Variants in MYO5A observed in about 807,000 individuals in gnomAD.
The protein encoded by MYO5A is unconventional myosin-Va.
In MYO5A, 98 loss-of-function variants were observed where a neutral mutation model predicts 249.7. That is an observed-to-expected ratio of 0.39 (90% CI 0.33 to 0.46). MYO5A has a LOEUF of 0.46. Ranked by LOEUF, MYO5A falls within the 20% of genes least tolerant of loss-of-function variation. The pLI is 0.98. For synonymous variants in MYO5A, 778 were observed against 810.6 expected, an observed-to-expected ratio of 0.96 and a Z score of 0.68; for missense variants, 1,696 against 2,308.8, an observed-to-expected ratio of 0.73 and a Z score of 5.44.
intron 20 of MYO5A, 53 bp from the exon 21 acceptor site, chr15:52,372,416 A>G: frequency 1.3e-6 from 2 of 1,594,812 alleles, no homozygotes; most frequent in Non-Finnish European, 1.7e-6. Context: ...TACACTCATG[A>G]TTATCAATCT....
At chr15:52,398,601 T>C (rs1305146851) in intron 9 of MYO5A, among the ~76,000 whole-genome samples, 12 of 152,148 alleles carry the variant, frequency 7.9e-5, no homozygotes, top group Admixed American at 7.2e-4. Flanking sequence ...TTCTCCCAAG[T>C]AATCACTTTA....
chr15:52,429,221 G>C (rs996078871), intron 2 of MYO5A, among the ~76,000 whole-genome samples: 2 of 148,210 alleles, frequency 1.3e-5, no homozygotes, highest in Non-Finnish European at 3.0e-5. Context: ...TTTTTGTTTT[G>C]TTTGCTTTTT....
At chr15:52,503,674 C>T (rs866655672) in intron 1 of MYO5A, among the ~76,000 whole-genome samples, 11 of 152,046 alleles carry the variant, frequency 7.2e-5, no homozygotes, top group Middle Eastern at 6.8e-3. Context: ...TTAGAAACAA[C>T]AAAACTGAAT....
At chr15:52,499,175 T>C (rs1219017750) in intron 1 of MYO5A, among the ~76,000 whole-genome samples, 1 of 152,154 alleles carries the variant, frequency 6.6e-6, no homozygotes, top group African/African-American at 2.4e-5. Context: ...ACCTATCTCA[T>C]TCTCAGTGAA....
rs376937744 is a variant in MYO5A at position 52,437,719 on chromosome 15, C to T, written c.28-4434G>A. Among the ~76,000 whole-genome samples the T allele has an allele frequency of 8.6e-5, 13 of 151,954 alleles. No homozygotes were observed. In the East Asian group the frequency reaches 2.3e-3, roughly 27 times the overall value. On this transcript the variant is annotated intron_variant, in intron 1 of 41. Coordinates refer to ENST00000399233, the MANE Select transcript of MYO5A (RefSeq NM_001382347.1). ...GTGAGTTTGTAGAAGCATGACTGAC[C>T]AGTGCCTAAACATGAGGAGACTTTA...
At chr15:52,473,036 A>G (rs2076510298) in intron 1 of MYO5A, among the ~76,000 whole-genome samples, 2 of 152,226 alleles carry the variant, frequency 1.3e-5, no homozygotes, top group African/African-American at 4.8e-5. Flanking sequence ...CTATTTCTCC[A>G]CATTCTCTCC....
chr15:52,405,542 T>C, intron 8 of MYO5A, 149 bp from the exon 9 acceptor site: 1 of 702,860 alleles, frequency 1.4e-6, no homozygotes, highest in Non-Finnish European at 2.5e-6. Flanking sequence ...CACTTTCATC[T>C]TTGTTGACAT....
In MYO5A at chr15:52,319,221, C is replaced by T. The variant is rs750720922; in HGVS notation, c.5073G>A (p.Arg1691=). 5.6e-6 allele frequency: 9 copies of T among 1,614,164 alleles called. No homozygotes were observed. The South Asian group carries it at 8.8e-5, about 16-fold the overall frequency. ...EGTYTLDSIL[R]QLNSFHSVMC... ...TGACCGAGTGGAAGGAGTTGAGCTG[C>T]CGGAGGATGGAGTCCAGTGTGTAGG... Residue 1691 remains arginine (R), a synonymous_variant, in exon 39 of 42, where the codon CGG becomes CGA. Coordinates refer to ENST00000399233, the MANE Select transcript of MYO5A (RefSeq NM_001382347.1).
At chr15:52,446,640 A>G (rs939580296) in intron 1 of MYO5A, among the ~76,000 whole-genome samples, 1 of 152,206 alleles carries the variant, frequency 6.6e-6, no homozygotes, top group Non-Finnish European at 1.5e-5. Context: ...TTGCACCTTC[A>G]GCCTAGAAAA....
At chr15:52,458,358 T>C (rs1179794260) in intron 1 of MYO5A, among the ~76,000 whole-genome samples, 2 of 152,198 alleles carry the variant, frequency 1.3e-5, no homozygotes, top group African/African-American at 4.8e-5. Context: ...AGTATATCAC[T>C]TGAGGTCAGG....
rs370154166 is a variant in MYO5A at position 52,459,635 on chromosome 15, G to A, written c.28-26350C>T. ...CCCCACATTTCCCCCTTTTCTATTC[G>A]ACAAAACCGCCATTGTCATCACGGC... is the stretch of plus-strand genomic sequence containing the variant. On this transcript the variant is annotated intron_variant, in intron 1 of 41. Coordinates refer to ENST00000399233, the MANE Select transcript of MYO5A (RefSeq NM_001382347.1). Among the ~76,000 whole-genome samples, 99 of 152,142 alleles carry A rather than the reference G, an allele frequency of 6.5e-4. 1 individual carries two copies. The East Asian group carries it at 0.013, about 20-fold the overall frequency.
chr15:52,435,524 G>C, intron 1 of MYO5A: 1 of 396,650 alleles, frequency 2.5e-6, no homozygotes, highest in Non-Finnish European at 4.9e-6. Context: ...TGATCCACCC[G>C]CCTTGGCCTC....
chr15:52,521,714 C>T (rs143901726), intron 1 of MYO5A, among the ~76,000 whole-genome samples: 165 of 152,320 alleles, frequency 1.1e-3, no homozygotes, highest in African/African-American at 3.8e-3. Flanking sequence ...AGATATTTAA[C>T]GCTAATGCCT....
intron 14 of MYO5A, among the ~76,000 whole-genome samples, chr15:52,385,573 TA>T (rs1351403360): frequency 2.7e-5 from 4 of 149,862 alleles, no homozygotes; most frequent in Non-Finnish European, 4.4e-5. Flanking sequence ...CATATATATA[TA>T]TATTTTTTTA....
chr15:52,388,587 C>T (rs1317787978), intron 13 of MYO5A, among the ~76,000 whole-genome samples: 1 of 152,180 alleles, frequency 6.6e-6, no homozygotes, highest in Non-Finnish European at 1.5e-5. Flanking sequence ...CCCTGTGAAA[C>T]TTACCCCAAA....
chr15:52,453,210 T>A (rs1293601726), intron 1 of MYO5A, among the ~76,000 whole-genome samples: 1 of 150,344 alleles, frequency 6.7e-6, no homozygotes, highest in African/African-American at 2.5e-5. Flanking sequence ...TATAAAGGAG[T>A]TCCAATGCAT....
At chr15:52,387,319 C>T (rs891536831) in intron 14 of MYO5A, among the ~76,000 whole-genome samples, 1 of 152,162 alleles carries the variant, frequency 6.6e-6, no homozygotes. Flanking sequence ...TGCTTTGGGC[C>T]ACACCTGGAA....
chr15:52,429,998 C>T (rs1027526022), intron 2 of MYO5A, among the ~76,000 whole-genome samples: 1 of 151,896 alleles, frequency 6.6e-6, no homozygotes, highest in Non-Finnish European at 1.5e-5. Flanking sequence ...TAACATAGGA[C>T]AAGTGAATAG....
intron 1 of MYO5A, among the ~76,000 whole-genome samples, chr15:52,468,002 T>C (rs1242396058): frequency 6.6e-6 from 1 of 151,902 alleles, no homozygotes; most frequent in African/African-American, 2.4e-5. Flanking sequence ...TAGTAGCAAA[T>C]AGGCAAAAGA....
Sources: gnomAD v4.1 joint callset for allele counts (sites outside exome capture counted in the v4.1 genomes callset) on GRCh38, gnomAD v4.1.1 for gene constraint, MANE v1.5 for transcripts, NCBI Gene and HGNC (gene_info 2026-07-23, HGNC 2026-07-21) for gene names.